YIF1B: variants seen among roughly 807,000 people sequenced by gnomAD.
YIF1B encodes the protein protein YIF1B.
A neutral mutation model predicts 34.6 loss-of-function variants in YIF1B; 24 were observed. The ratio of observed to expected loss-of-function variants is 0.69; its 90% CI spans 0.50 to 0.98. YIF1B has a LOEUF of 0.98. YIF1B is among the 50% of genes least tolerant of loss of function. The pLI is 0.00. For missense variants in YIF1B, 368 were observed against 429.4 expected (o/e 0.86, Z 1.26); for synonymous variants, 186 against 184.8 (o/e 1.01, Z -0.05).
chr19:38,313,650 T>C (rs1260551881), intron 1 of YIF1B, among the ~76,000 whole-genome samples: 1 of 152,248 alleles, frequency 6.6e-6, no homozygotes, highest in African/African-American at 2.4e-5. Context: ...AAAGGCCTGC[T>C]AGGCCCTGCA....
upstream of YIF1B, among the ~76,000 whole-genome samples, chr19:38,319,045 C>T (rs183842855): frequency 3.2e-4 from 48 of 152,162 alleles, no homozygotes; most frequent in African/African-American, 1.2e-3. Flanking sequence ...CCAGGGCCCT[C>T]TAGGGCTCCC....
upstream of YIF1B, chr19:38,320,244 C>T (rs779821819): frequency 1.0e-5 from 16 of 1,606,258 alleles, no homozygotes; most frequent in East Asian, 3.6e-4. Context: ...CTGCTCTCTT[C>T]TTCGCCAGCA....
rs746471825 is a variant in YIF1B at position 38,309,393 on chromosome 19, C to G, written c.297+12G>C. 9 of 1,612,678 alleles carry G rather than the reference C, an allele frequency of 5.6e-6. No homozygotes were observed. The South Asian group carries it at 9.9e-5, about 18-fold the overall frequency. On this transcript the variant is annotated intron_variant, in intron 2 of 7. Coordinates refer to ENST00000339413, the MANE Select transcript of YIF1B (RefSeq NM_001039672.3). ...GTGCATCCCCCCACTCCCACCAGCC[C>G]CGCCCACTCACGTTCTTATCCACCA...
At position 38,304,951 on chromosome 19, in the gene YIF1B, A is replaced by C. The variant is rs757944166; in HGVS notation, c.*401T>G. 3 of 1,608,764 alleles carry C rather than the reference A, an allele frequency of 1.9e-6. No homozygotes were observed. The highest frequency in any genetic ancestry group is 1.7e-6 in the Non-Finnish European group (2 of 1,177,994). On this transcript the variant is annotated 3_prime_UTR_variant, in exon 8 of 8. Coordinates refer to ENST00000339413, the MANE Select transcript of YIF1B (RefSeq NM_001039672.3). ...AAGAAGGAGAAGGGCAAGAAGAAGG[A>C]GGCTCCCCACTGAAGGGCCCTGGAC... is the stretch of plus-strand genomic sequence containing the variant.
At chr19:38,316,678 C>T (rs1409999461), upstream of YIF1B, among the ~76,000 whole-genome samples, 3 of 152,064 alleles carry the variant, frequency 2.0e-5, no homozygotes, top group Non-Finnish European at 4.4e-5. Flanking sequence ...TTTGACATCC[C>T]TTAGGTATTA....
Position 38,305,238 on chromosome 19 carries a change from G to T in YIF1B, c.*114C>A. The T allele has an allele frequency of 1.4e-6, 2 of 1,464,848 alleles. No individual in the cohort carries two copies. Among genetic ancestry groups the T allele is most frequent in the Non-Finnish European group, 9.1e-7 (1 of 1,103,354 alleles). 90.7% of individuals were successfully genotyped at this position (1,464,848 alleles called of 1,614,324 possible). A position where few individuals can be genotyped will look rare whatever the true frequency, so the allele number is the denominator to read the frequency against. On this transcript the variant is annotated 3_prime_UTR_variant, in exon 8 of 8. Coordinates refer to ENST00000339413, the MANE Select transcript of YIF1B (RefSeq NM_001039672.3). ...GGGCTGGGCGGGACATGGGATGGAG[G>T]CGGTGCCTGTGGCCAGACAGGGTGG...
upstream of YIF1B, chr19:38,320,248 G>T (rs376955900): frequency 1.2e-6 from 2 of 1,606,196 alleles, no homozygotes; most frequent in Non-Finnish European, 1.7e-6. Flanking sequence ...TCTCTTCTTC[G>T]CCAGCACGCT....
chr19:38,308,722 T>TG, intron 5 of YIF1B, 70 bp downstream of exon 5: 1 of 1,597,868 alleles, frequency 6.3e-7, no homozygotes, highest in Non-Finnish European at 8.6e-7. Flanking sequence ...ACCTTGGAAC[T>TG]GAGACCTTCC....
rs1211797297 is a variant in YIF1B, at chr19:38,304,626, A to G, written c.*726T>C. On this transcript the variant is annotated 3_prime_UTR_variant, in exon 8 of 8. Coordinates refer to ENST00000339413, the MANE Select transcript of YIF1B (RefSeq NM_001039672.3). ...CTCACTGCCGCACCTCCATCCAGCA[A>G]GGACACCACAGCTCTTCCGACTCCA... 1.2e-6 allele frequency: 2 copies of G among 1,613,404 alleles called. No individual in the cohort carries two copies. Among genetic ancestry groups the G allele is most frequent in the Non-Finnish European group, 1.7e-6 (2 of 1,179,982 alleles).
At chr19:38,319,776 G>C (rs1289950847), upstream of YIF1B, 2 of 654,712 alleles carry the variant, frequency 3.1e-6, no homozygotes, top group Non-Finnish European at 4.6e-6. Flanking sequence ...TCAGTTTCCC[G>C]GAGGCGGGGC....
chr19:38,313,491 C>A (rs562074015), intron 1 of YIF1B, among the ~76,000 whole-genome samples: 3 of 147,122 alleles, frequency 2.0e-5, no homozygotes, highest in African/African-American at 7.6e-5. Context: ...GATCTCCTGA[C>A]CTCATGATCC....
chr19:38,320,233 T>C (rs750190779), upstream of YIF1B: 2 of 1,605,672 alleles, frequency 1.2e-6, no homozygotes, highest in Non-Finnish European at 1.7e-6. Context: ...GGACTTCGCC[T>C]CTGCTCTCTT....
chr19:38,316,916 C>T (rs530434479), upstream of YIF1B, among the ~76,000 whole-genome samples: 51 of 152,280 alleles, frequency 3.3e-4, no homozygotes, highest in African/African-American at 1.2e-3. Context: ...CTGCTTCAGC[C>T]TCCTAAAGCA....
chr19:38,308,693 T>C lies in YIF1B; in HGVS notation c.539+99A>G, dbSNP rs571793577. On this transcript the variant is annotated intron_variant, in intron 5 of 7. Transcript: ENST00000339413. Reference sequence around the variant, plus strand: ...GCCAACTGGGAGCAAAGTGGGGCTGTCCTGAAAGGGGAACTGAGACCTTGG... The same window carrying C: ...GCCAACTGGGAGCAAAGTGGGGCTGCCCTGAAAGGGGAACTGAGACCTTGG... 4 of 1,482,492 alleles carry C rather than the reference T, an allele frequency of 2.7e-6. No homozygotes were observed. In the African/African-American group the frequency reaches 5.5e-5, roughly 21 times the overall value. 91.8% of individuals were successfully genotyped at this position (1,482,492 alleles called of 1,614,324 possible).
chr19:38,316,037 C>G (rs967662678), upstream of YIF1B: 9 of 1,279,418 alleles, frequency 7.0e-6, no homozygotes, highest in Middle Eastern at 2.9e-4. Flanking sequence ...CTCGCCCCCA[C>G]CCCCCCGACC....
Position 38,304,977 on chromosome 19 carries a change from A to T in YIF1B, c.*375T>A, listed in dbSNP as rs1968937967. 1 of 1,586,654 alleles carries T rather than the reference A, an allele frequency of 6.3e-7. No homozygotes were observed. The highest frequency in any genetic ancestry group is 8.6e-7 in the Non-Finnish European group (1 of 1,167,476). Reference sequence around the variant, plus strand: ...GGCTCCCCACTGAAGGGCCCTGGACAGGGCTCATTAAACCTTCCTCTCTGC... The same window carrying T: ...GGCTCCCCACTGAAGGGCCCTGGACTGGGCTCATTAAACCTTCCTCTCTGC... On this transcript the variant is annotated 3_prime_UTR_variant, in exon 8 of 8. Transcript: ENST00000339413.
Position 38,304,014 on chromosome 19 carries a change from C to T in YIF1B, c.*1338G>A. 1.7e-6 allele frequency: 1 copy of T among 584,196 alleles called. No homozygotes were observed. 36.2% of individuals were successfully genotyped at this position (584,196 alleles called of 1,614,324 possible). A position where few individuals can be genotyped will look rare whatever the true frequency, so the allele number is the denominator to read the frequency against. On this transcript the variant is annotated 3_prime_UTR_variant, in exon 8 of 8. Coordinates refer to ENST00000339413, the MANE Select transcript of YIF1B (RefSeq NM_001039672.3). ...GCTCCCCGAATGCCATCCACAGAGC[C>T]CCCCTCAGTCGGCCTCCCCTGAGGC...
upstream of YIF1B, chr19:38,319,856 A>G (rs1969625109): frequency 3.3e-6 from 4 of 1,207,292 alleles, no homozygotes; most frequent in African/African-American, 6.4e-5. Flanking sequence ...CCGCGCCTGT[A>G]GCACTCCCGG....
At chr19:38,310,598 G>T (rs1312630188) in intron 1 of YIF1B, among the ~76,000 whole-genome samples, 1 of 152,004 alleles carries the variant, frequency 6.6e-6, no homozygotes, top group Non-Finnish European at 1.5e-5. Flanking sequence ...GCGAGAGGAA[G>T]GGGGGGCTAT....
Sources: allele counts gnomAD v4.1 joint callset (sites outside exome capture counted in the v4.1 genomes callset), GRCh38; gene constraint gnomAD v4.1.1; transcripts MANE v1.5; gene names NCBI Gene and HGNC (gene_info 2026-07-23, HGNC 2026-07-21).